GRID2: variants seen among roughly 807,000 people sequenced by gnomAD.
GRID2 encodes the protein glutamate ionotropic receptor delta type subunit 2.
In GRID2, 33 loss-of-function variants were observed where a neutral mutation model predicts 114.8. The ratio of observed to expected loss-of-function variants is 0.29; its 90% CI spans 0.22 to 0.38. The LOEUF (loss-of-function observed/expected upper bound fraction) is 0.38. Among genes scored for constraint, GRID2 ranks in the 10% least tolerant of loss-of-function variants. The probability of loss-of-function intolerance (pLI) is 1.00; values close to 1 mark genes in which losing one functional copy is unlikely to be tolerated. For synonymous variants in GRID2, 505 were observed against 449.9 expected (o/e 1.12, Z -1.55); for missense variants, 1,184 against 1,257.7 (o/e 0.94, Z 0.89).
At chr4:92,500,933 A>G (rs989427900) in intron 1 of GRID2, among the ~76,000 whole-genome samples, 3 of 152,096 alleles carry the variant, frequency 2.0e-5, no homozygotes, top group Non-Finnish European at 4.4e-5. Context: ...ATTTTCTAAG[A>G]TTCATTCATG....
chr4:93,538,911 A>G (rs1429864584), intron 13 of GRID2, among the ~76,000 whole-genome samples: 3 of 151,800 alleles, frequency 2.0e-5, no homozygotes, highest in Admixed American at 2.0e-4. Context: ...TTGAAATCCT[A>G]ATAAAATCTG....
chr4:93,515,546 A>T lies in GRID2; in HGVS notation c.2193+135A>T, dbSNP rs6834210. 0.79 allele frequency: 484,258 copies of T among 609,912 alleles called. 193,659 individuals are homozygous for T. Among genetic ancestry groups the T allele is most frequent in the African/African-American group, 0.94 (50,820 of 53,796 alleles). The allele number at this position is 609,912 out of a possible 1,614,324, so 37.8% of individuals were successfully genotyped here. On this transcript the variant is annotated intron_variant, in intron 13 of 15. Coordinates refer to ENST00000282020, the MANE Select transcript of GRID2 (RefSeq NM_001510.4). ...TGCTGACGGCAAATTTCCTGTTACA[A>T]TGCATCTTATATTGATTTAAAGAAG...
intron 1 of GRID2, among the ~76,000 whole-genome samples, chr4:92,412,720 A>G (rs373789898): frequency 1.3e-5 from 2 of 152,056 alleles, no homozygotes; most frequent in African/African-American, 4.8e-5. Flanking sequence ...GCCCATCCAC[A>G]TACCCTGTTG....
At chr4:92,822,124 C>T (rs1416821954) in intron 2 of GRID2, 3 of 336,752 alleles carry the variant, frequency 8.9e-6, no homozygotes, top group Admixed American at 4.2e-5. Context: ...TGCTTAATTT[C>T]TATGGTGGTC....
At position 92,836,507 on chromosome 4, in the gene GRID2, C is replaced by T. The variant is rs73837365; in HGVS notation, c.244+246221C>T. ...GATGGTACATGGCAAATAGCAGCCG[C>T]TTAATACATATTTGAATGAATAAGT... On this transcript the variant is annotated intron_variant, in intron 2 of 15. Coordinates refer to ENST00000282020, the MANE Select transcript of GRID2 (RefSeq NM_001510.4). Among the ~76,000 whole-genome samples the T allele has an allele frequency of 5.1e-3, 781 of 151,870 alleles. 6 individuals are homozygous for T. The highest frequency in any genetic ancestry group is 0.018 in the African/African-American group (741 of 41,436).
chr4:92,655,930 C>T (rs1732209870), intron 2 of GRID2, among the ~76,000 whole-genome samples: 1 of 151,646 alleles, frequency 6.6e-6, no homozygotes, highest in South Asian at 2.1e-4. Flanking sequence ...AAATAGACAT[C>T]CTTGTCTTGT....
intron 2 of GRID2, among the ~76,000 whole-genome samples, chr4:93,027,095 C>T (rs781482993): frequency 2.6e-4 from 39 of 152,020 alleles, no homozygotes; most frequent in Non-Finnish European, 5.2e-4. Context: ...GTTTGTTTTA[C>T]ATATAAAATC....
chr4:93,284,470 A>G (rs961292855), intron 8 of GRID2, among the ~76,000 whole-genome samples: 1 of 151,976 alleles, frequency 6.6e-6, no homozygotes, highest in African/African-American at 2.4e-5. Context: ...ACATTTACCT[A>G]TGTAACAAAC....
intron 11 of GRID2, among the ~76,000 whole-genome samples, chr4:93,464,998 T>C (rs1482154221): frequency 7.2e-5 from 11 of 152,200 alleles, no homozygotes; most frequent in Non-Finnish European, 1.0e-4. Flanking sequence ...AAACACCAAC[T>C]TGGATATTAA....
At chr4:93,613,410 T>G (rs1009488869) in intron 13 of GRID2, among the ~76,000 whole-genome samples, 1 of 123,140 alleles carries the variant, frequency 8.1e-6, no homozygotes, top group Non-Finnish European at 1.8e-5. Flanking sequence ...GTTTCCAGTT[T>G]TTCTGTTCTG....
At chr4:93,287,942 A>T (rs1196775841) in intron 8 of GRID2, among the ~76,000 whole-genome samples, 1 of 152,222 alleles carries the variant, frequency 6.6e-6, no homozygotes, top group African/African-American at 2.4e-5. Context: ...GGCATAAATT[A>T]GGGGCCACTA....
At chr4:92,941,400 G>C (rs763361788) in intron 2 of GRID2, among the ~76,000 whole-genome samples, 5 of 151,946 alleles carry the variant, frequency 3.3e-5, no homozygotes, top group Non-Finnish European at 7.4e-5. Flanking sequence ...TATTTCTTTG[G>C]GATTGGTGGT....
chr4:93,057,380 T>G (rs1232976879), intron 2 of GRID2, among the ~76,000 whole-genome samples: 3 of 151,874 alleles, frequency 2.0e-5, no homozygotes, highest in African/African-American at 7.2e-5. Context: ...CATGTATTAT[T>G]TAGAAGAAAA....
At chr4:93,243,057 G>T (rs1273512208) in intron 8 of GRID2, among the ~76,000 whole-genome samples, 1 of 151,882 alleles carries the variant, frequency 6.6e-6, no homozygotes, top group East Asian at 1.9e-4. Context: ...ATTATGAAAG[G>T]CACTATAAAT....
At chr4:93,522,540 G>A (rs1001790234) in intron 13 of GRID2, among the ~76,000 whole-genome samples, 7 of 151,938 alleles carry the variant, frequency 4.6e-5, no homozygotes, top group Non-Finnish European at 7.4e-5. Flanking sequence ...AAGATAATAG[G>A]AGCAAGAAAG....
intron 14 of GRID2, among the ~76,000 whole-genome samples, chr4:93,705,591 T>A (rs1365235347): frequency 1.3e-5 from 2 of 152,222 alleles, no homozygotes; most frequent in East Asian, 1.9e-4. Context: ...TAATCCCTTG[T>A]CAGATGGATA....
At chr4:92,566,922 G>A (rs952663239) in intron 1 of GRID2, among the ~76,000 whole-genome samples, 5 of 151,990 alleles carry the variant, frequency 3.3e-5, no homozygotes, top group Middle Eastern at 3.4e-3. Context: ...TTATATCCCC[G>A]TTTCTGAAGA....
intron 2 of GRID2, among the ~76,000 whole-genome samples, chr4:92,626,631 A>T (rs928480011): frequency 6.6e-6 from 1 of 152,042 alleles, no homozygotes; most frequent in Non-Finnish European, 1.5e-5. Context: ...ATAAACCTAG[A>T]TTAAGTTTAA....
intron 8 of GRID2, among the ~76,000 whole-genome samples, chr4:93,246,969 T>G (rs1748286673): frequency 6.6e-6 from 1 of 152,104 alleles, no homozygotes; most frequent in African/African-American, 2.4e-5. Flanking sequence ...TCTGCTGATG[T>G]TTAGGGTTAC....
Sources: allele counts gnomAD v4.1 joint callset (sites outside exome capture counted in the v4.1 genomes callset), GRCh38; gene constraint gnomAD v4.1.1; transcripts MANE v1.5; gene names NCBI Gene and HGNC (gene_info 2026-07-23, HGNC 2026-07-21).